PLXNA2: variants seen among roughly 807,000 people sequenced by gnomAD.
PLXNA2 encodes the protein plexin A2, also known as plexin-A2.
PLXNA2 carries 91 observed loss-of-function variants against 193.5 expected under a neutral mutation model. The observed-to-expected ratio is 0.47, with a 90% CI of 0.40 to 0.56. The LOEUF (loss-of-function observed/expected upper bound fraction) is 0.56. Ranked by LOEUF, PLXNA2 falls within the 20% of genes least tolerant of loss-of-function variation. PLXNA2 has a pLI of 0.00. For synonymous variants in PLXNA2, 997 were observed against 1,027.3 expected, an observed-to-expected ratio of 0.97 and a Z score of 0.56; for missense variants, 1,995 against 2,503.2, an observed-to-expected ratio of 0.80 and a Z score of 4.33.
At chr1:208,063,969 C>G (rs1432940307) in intron 12 of PLXNA2, among the ~76,000 whole-genome samples, 3 of 152,104 alleles carry the variant, frequency 2.0e-5, no homozygotes, top group Admixed American at 6.5e-5. Flanking sequence ...AGGCGCCTCA[C>G]ATTTCACCAC....
At chr1:208,189,128 G>A (rs1344656985) in intron 3 of PLXNA2, among the ~76,000 whole-genome samples, 1 of 152,238 alleles carries the variant, frequency 6.6e-6, no homozygotes, top group Non-Finnish European at 1.5e-5. Flanking sequence ...GCATCTTGGG[G>A]ATCCCTCCAA....
At chr1:208,080,976 G>A (rs1022251502) in intron 11 of PLXNA2, among the ~76,000 whole-genome samples, 2 of 152,304 alleles carry the variant, frequency 1.3e-5, no homozygotes, top group African/African-American at 4.8e-5. Flanking sequence ...ATGCGCAGCC[G>A]GCAGAGACAC....
chr1:208,243,646 GCTCGGC>G lies in PLXNA2; in HGVS notation c.-90_-85del, dbSNP rs1317273008. 6.6e-6 allele frequency: 1 copy of G among 152,144 alleles called. No homozygotes were observed. The highest frequency in any genetic ancestry group is 1.5e-5 in the Non-Finnish European group (1 of 68,004). The allele number at this position is 152,144 out of a possible 1,614,324, so 9.4% of individuals were successfully genotyped here. On this transcript the variant is annotated 5_prime_UTR_variant, in exon 1 of 32. Coordinates refer to ENST00000367033, the MANE Select transcript of PLXNA2 (RefSeq NM_025179.4). ...GCCCGGCCCAGCCGCCGCTTACCCA[GCTCGGC>G]GACGTCGGTCTGTCCTTCCGTCCCC...
intron 9 of PLXNA2, among the ~76,000 whole-genome samples, chr1:208,091,643 C>A (rs902311777): frequency 6.6e-6 from 1 of 151,972 alleles, no homozygotes; most frequent in Non-Finnish European, 1.5e-5. Context: ...GAGGCCGAGG[C>A]GGGTGGATCA....
At chr1:208,153,955 G>C (rs1194734648) in intron 3 of PLXNA2, among the ~76,000 whole-genome samples, 1 of 143,778 alleles carries the variant, frequency 7.0e-6, no homozygotes, top group East Asian at 2.2e-4. Flanking sequence ...ATAATGAGCT[G>C]CTTCATGAAA....
intron 11 of PLXNA2, among the ~76,000 whole-genome samples, chr1:208,080,118 G>C (rs1006047728): frequency 7.2e-5 from 11 of 152,112 alleles, no homozygotes; most frequent in Non-Finnish European, 1.5e-4. Context: ...CTGTTGTCTG[G>C]CAAACTGGAA....
chr1:208,040,136 C>T, intron 22 of PLXNA2, 78 bp from the exon 23 acceptor site: 1 of 1,174,488 alleles, frequency 8.5e-7, no homozygotes, highest in East Asian at 2.3e-5. Flanking sequence ...GCCATGAGGT[C>T]TCCCAAGAGA....
intron 26 of PLXNA2, among the ~76,000 whole-genome samples, chr1:208,037,312 C>T (rs1280031749): frequency 6.6e-6 from 1 of 152,178 alleles, no homozygotes; most frequent in Non-Finnish European, 1.5e-5. Flanking sequence ...ATGGGAGGTG[C>T]AGGCGAGTCA....
At chr1:208,233,123 CCTT>C (rs1461853390) in intron 1 of PLXNA2, among the ~76,000 whole-genome samples, 5 of 152,132 alleles carry the variant, frequency 3.3e-5, no homozygotes, top group African/African-American at 1.2e-4. Context: ...TAATCTCTCT[CCTT>C]CTGTCTTTTT....
Position 208,031,648 on chromosome 1 carries a change from G to C in PLXNA2, c.5167C>G (p.Gln1723Glu). Residue 1723 changes from glutamine to glutamate, a missense_variant, in exon 29 of 32, where the codon CAG becomes GAG. This residue lies in a region of PLXNA2 where 1,291 missense variants were observed against 1,673.6 expected (regional missense o/e 0.77). Transcript: ENST00000367033. Reference protein sequence around the residue: ...IKYMFDFLDEQADRHSIHDTD... With the variant: ...IKYMFDFLDEEADRHSIHDTD... Reference sequence around the variant, plus strand: ...TCATGGATGCTGTGCCTGTCTGCCTGCTCATCTAGGAAATCAAACATGTAC... The same window carrying C: ...TCATGGATGCTGTGCCTGTCTGCCTCCTCATCTAGGAAATCAAACATGTAC... 3 of 1,613,986 alleles carry C rather than the reference G, an allele frequency of 1.9e-6. No homozygotes were observed. The highest frequency in any genetic ancestry group is 2.5e-6 in the Non-Finnish European group (3 of 1,179,990).
chr1:208,198,711 G>C (rs1156501387), intron 3 of PLXNA2, among the ~76,000 whole-genome samples: 1 of 152,142 alleles, frequency 6.6e-6, no homozygotes, highest in African/African-American at 2.4e-5. Flanking sequence ...CTCTTCTCTC[G>C]TGCATCTTCT....
chr1:208,034,009 A>G (rs1378418181), intron 27 of PLXNA2, among the ~76,000 whole-genome samples: 2 of 152,210 alleles, frequency 1.3e-5, no homozygotes, highest in Non-Finnish European at 2.9e-5. Flanking sequence ...GCCTTAGTGC[A>G]TACATGAAAC....
chr1:208,081,303 G>C (rs1666333954), intron 11 of PLXNA2, among the ~76,000 whole-genome samples: 1 of 152,228 alleles, frequency 6.6e-6, no homozygotes, highest in African/African-American at 2.4e-5. Context: ...ATTTGGGACA[G>C]GGAGCTACAG....
chr1:208,183,473 C>T (rs1409680768), intron 3 of PLXNA2, among the ~76,000 whole-genome samples: 1 of 152,160 alleles, frequency 6.6e-6, no homozygotes, highest in East Asian at 1.9e-4. Flanking sequence ...GGAGCTGTTG[C>T]TGACAGAAAA....
intron 29 of PLXNA2, chr1:208,030,344 AG>A: frequency 3.0e-6 from 3 of 985,574 alleles, no homozygotes; most frequent in Non-Finnish European, 3.6e-6. Context: ...AGCACACAGA[AG>A]GCACAGAGAT....
At chr1:208,109,938 G>A (rs1379371777) in intron 4 of PLXNA2, among the ~76,000 whole-genome samples, 2 of 152,228 alleles carry the variant, frequency 1.3e-5, no homozygotes, top group East Asian at 1.9e-4. Flanking sequence ...GGTGGGTGGA[G>A]TTTTTCTTCT....
chr1:208,090,809 T>C (rs1218868408), intron 9 of PLXNA2, among the ~76,000 whole-genome samples: 1 of 152,212 alleles, frequency 6.6e-6, no homozygotes, highest in Non-Finnish European at 1.5e-5. Context: ...TCAAGGTTAG[T>C]TTCTGAGACT....
chr1:208,103,261 C>T lies in PLXNA2; in HGVS notation c.1507-14G>A, dbSNP rs745788787. On this transcript the variant is annotated splice_polypyrimidine_tract_variant and intron_variant, in intron 4 of 31. Transcript: ENST00000367033. ...GACCCTGGTGACCTGGCAGAGAGAG[C>T]AAAGAGGGTACAGTGAGGTTAGGCT... The T allele has an allele frequency of 6.2e-7, 1 of 1,601,996 alleles. No individual in the cohort carries two copies. The highest frequency in any genetic ancestry group is 8.5e-7 in the Non-Finnish European group (1 of 1,170,280).
intron 3 of PLXNA2, among the ~76,000 whole-genome samples, chr1:208,203,786 G>A (rs571528360): frequency 6.6e-6 from 1 of 152,336 alleles, no homozygotes; most frequent in African/African-American, 2.4e-5. Context: ...TAAAGATGCA[G>A]GGGCGATCAG....
Sources: allele counts gnomAD v4.1 joint callset (sites outside exome capture counted in the v4.1 genomes callset), GRCh38; gene constraint gnomAD v4.1.1; regional missense constraint gnomAD v4.1.1; transcripts MANE v1.5; gene names NCBI Gene and HGNC (gene_info 2026-07-23, HGNC 2026-07-21).